HACE1: variants seen among roughly 807,000 people sequenced by gnomAD.
The protein encoded by HACE1 is E3 ubiquitin-protein ligase HACE1.
Under a neutral mutation model 118.4 loss-of-function variants are expected in HACE1, and 73 were observed. That is an observed-to-expected ratio of 0.62 (90% CI 0.51 to 0.75). The LOEUF is 0.75. Ranked by LOEUF, HACE1 falls within the 30% of genes least tolerant of loss-of-function variation. The probability of loss-of-function intolerance (pLI) is 0.00; values close to 1 mark genes in which losing one functional copy is unlikely to be tolerated. For synonymous variants in HACE1, 368 were observed against 374.8 expected (o/e 0.98, Z 0.21); for missense variants, 749 against 1,102.2 (o/e 0.68, Z 4.54).
chr6:104,803,875 C>A lies in HACE1; in HGVS notation c.618-6850G>T, dbSNP rs186334420. ...GGAAGTTCTAGCCAGGGCAATCAGG[C>A]AAGAGAAAGAAATAACAGTATTCAA... On this transcript the variant is annotated intron_variant, in intron 7 of 23. Coordinates refer to ENST00000262903, the MANE Select transcript of HACE1 (RefSeq NM_020771.4). Among the ~76,000 whole-genome samples, 3 of 152,202 alleles carry A rather than the reference C, an allele frequency of 2.0e-5. No individual in the cohort carries two copies. The East Asian group carries it at 5.8e-4, about 29-fold the overall frequency.
chr6:104,745,140 A>G (rs1232485362), intron 20 of HACE1, among the ~76,000 whole-genome samples: 1 of 152,196 alleles, frequency 6.6e-6, no homozygotes, highest in Non-Finnish European at 1.5e-5. Flanking sequence ...TAGGAATTCA[A>G]TTCTGGAATA....
chr6:104,764,000 TC>T (rs1185753793), intron 19 of HACE1, among the ~76,000 whole-genome samples: 1 of 151,506 alleles, frequency 6.6e-6, no homozygotes. Context: ...TGGGCCGAGA[TC>T]CCACCACTGC....
intron 20 of HACE1, among the ~76,000 whole-genome samples, chr6:104,747,453 T>C (rs912548342): frequency 2.0e-5 from 3 of 152,146 alleles, no homozygotes; most frequent in Admixed American, 6.6e-5. Context: ...TTAACTCAGA[T>C]GCACATCTAG....
chr6:104,748,536 G>A (rs918943388), intron 20 of HACE1, among the ~76,000 whole-genome samples: 1 of 152,154 alleles, frequency 6.6e-6, no homozygotes, highest in Non-Finnish European at 1.5e-5. Context: ...CTACTGAAAT[G>A]GGGTACATGC....
At chr6:104,805,015 A>G (rs915052995) in intron 7 of HACE1, among the ~76,000 whole-genome samples, 1 of 152,336 alleles carries the variant, frequency 6.6e-6, no homozygotes, top group Middle Eastern at 3.4e-3. Context: ...TTTACAAGAA[A>G]AAACAAACAA....
rs1459125980 is a variant in HACE1, at chr6:104,738,194, T to C, written c.2513+5966A>G. 4.6e-5 allele frequency among the ~76,000 whole-genome samples: 7 copies of C among 152,062 alleles called. No homozygotes were observed. In the East Asian group the frequency reaches 1.4e-3, roughly 29 times the overall value. ...CATCACCATCATCAAAGACCATAAG[T>C]AGATAAAACCACAAAGATGGGGAAA... On this transcript the variant is annotated intron_variant, in intron 22 of 23. Coordinates refer to ENST00000262903, the MANE Select transcript of HACE1 (RefSeq NM_020771.4).
intron 5 of HACE1, among the ~76,000 whole-genome samples, chr6:104,843,010 G>A (rs1410843676): frequency 6.6e-6 from 1 of 152,168 alleles, no homozygotes; most frequent in Non-Finnish European, 1.5e-5. Flanking sequence ...TACTTGGGTG[G>A]CTGAGGCACA....
At chr6:104,823,812 T>C (rs901582877) in intron 6 of HACE1, among the ~76,000 whole-genome samples, 72 of 150,144 alleles carry the variant, frequency 4.8e-4, no homozygotes, top group African/African-American at 1.5e-3. Context: ...AGCTCTAAAA[T>C]AGGAAGGGAA....
At chr6:104,746,990 C>T (rs748398844) in intron 20 of HACE1, among the ~76,000 whole-genome samples, 96 of 150,890 alleles carry the variant, frequency 6.4e-4, no homozygotes, top group Non-Finnish European at 1.2e-3. Flanking sequence ...TTAATTGTTA[C>T]GATTTTTTTT....
chr6:104,848,390 A>C (rs1469211072), intron 4 of HACE1, among the ~76,000 whole-genome samples: 1 of 149,258 alleles, frequency 6.7e-6, no homozygotes, highest in Non-Finnish European at 1.5e-5. Context: ...CGGGAGATAG[A>C]GGTTGCAGCG....
At chr6:104,749,136 G>A (rs1025994521) in intron 20 of HACE1, among the ~76,000 whole-genome samples, 6 of 152,004 alleles carry the variant, frequency 3.9e-5, no homozygotes, top group Non-Finnish European at 8.8e-5. Context: ...CATACATATA[G>A]GTCCAGCAAA....
chr6:104,753,732 C>CA (rs1304690999), intron 19 of HACE1, among the ~76,000 whole-genome samples: 1 of 152,156 alleles, frequency 6.6e-6, no homozygotes, highest in Non-Finnish European at 1.5e-5. Context: ...AAAGACCCCA[C>CA]AAAAACCTCA....
chr6:104,770,012 T>C (rs1400876646), intron 19 of HACE1, among the ~76,000 whole-genome samples: 1 of 152,188 alleles, frequency 6.6e-6, no homozygotes, highest in Non-Finnish European at 1.5e-5. Context: ...AAAATGCTAA[T>C]AACAATTCTG....
chr6:104,775,369 G>A (rs993747795), intron 17 of HACE1, among the ~76,000 whole-genome samples: 1 of 151,590 alleles, frequency 6.6e-6, no homozygotes, highest in Non-Finnish European at 1.5e-5. Context: ...GGGTGACAGA[G>A]CGAGACTCTG....
At chr6:104,741,973 A>G (rs1252323636) in intron 22 of HACE1, among the ~76,000 whole-genome samples, 3 of 151,650 alleles carry the variant, frequency 2.0e-5, no homozygotes, top group South Asian at 4.2e-4. Flanking sequence ...ATATAGATCA[A>G]TGGAACAGAA....
chr6:104,823,095 T>G (rs1037620590), intron 6 of HACE1, among the ~76,000 whole-genome samples: 1 of 152,222 alleles, frequency 6.6e-6, no homozygotes, highest in Admixed American at 6.5e-5. Context: ...TCACTTTTAA[T>G]ATATCCTACA....
chr6:104,782,534 C>G (rs1781852368), intron 14 of HACE1: 2 of 152,044 alleles, frequency 1.3e-5, no homozygotes, highest in African/African-American at 4.8e-5. Context: ...GAGAACCAGA[C>G]AGACTTTTAA....
At chr6:104,737,734 A>G (rs1333583739) in intron 22 of HACE1, among the ~76,000 whole-genome samples, 6 of 152,302 alleles carry the variant, frequency 3.9e-5, no homozygotes, top group South Asian at 2.1e-4. Flanking sequence ...ACTGCAAGGC[A>G]GCAGCGAGGC....
chr6:104,762,739 C>T (rs1011731084), intron 19 of HACE1, among the ~76,000 whole-genome samples: 3 of 152,018 alleles, frequency 2.0e-5, no homozygotes, highest in African/African-American at 7.2e-5. Context: ...ACCTGTAATC[C>T]TAGCACTTTG....
Sources: allele counts gnomAD v4.1 joint callset (sites outside exome capture counted in the v4.1 genomes callset), GRCh38; gene constraint gnomAD v4.1.1; transcripts MANE v1.5; gene names NCBI Gene and HGNC (gene_info 2026-07-23, HGNC 2026-07-21).